Variants in IGFBP4 observed in about 807,000 individuals in gnomAD.
IGFBP4 encodes insulin like growth factor binding protein 4, also known as insulin-like growth factor-binding protein 4.
IGFBP4 carries 9 observed loss-of-function variants against 25.8 expected under a neutral mutation model. That is an observed-to-expected ratio of 0.35 (90% CI 0.21 to 0.61). IGFBP4 has a LOEUF of 0.61. IGFBP4 is among the 20% of genes least tolerant of loss of function. The pLI is 0.77. For synonymous variants in IGFBP4, 153 were observed against 153.9 expected (o/e 0.99, Z 0.05); for missense variants, 315 against 365.3 (o/e 0.86, Z 1.12).
intron 3 of IGFBP4, among the ~76,000 whole-genome samples, chr17:40,455,729 C>T (rs2035710643): frequency 6.6e-6 from 1 of 152,122 alleles, no homozygotes; most frequent in African/African-American, 2.4e-5. Flanking sequence ...GTGATCCACC[C>T]ACCTCGGCCT....
At chr17:40,446,928 C>T (rs1396344939) in intron 1 of IGFBP4, among the ~76,000 whole-genome samples, 1 of 152,190 alleles carries the variant, frequency 6.6e-6, no homozygotes, top group Non-Finnish European at 1.5e-5. Flanking sequence ...CTGCTGCAGC[C>T]CTGCAGGGTC....
intron 1 of IGFBP4, among the ~76,000 whole-genome samples, chr17:40,449,802 T>C (rs1216003923): frequency 6.6e-6 from 1 of 151,342 alleles, no homozygotes; most frequent in African/African-American, 2.4e-5. Flanking sequence ...ATGGAAAGCA[T>C]AGTTGTGGTC....
intron 1 of IGFBP4, among the ~76,000 whole-genome samples, chr17:40,449,879 G>T (rs1341302583): frequency 6.6e-6 from 1 of 152,098 alleles, no homozygotes; most frequent in African/African-American, 2.4e-5. Flanking sequence ...ACACTTCCAG[G>T]GTGGGAGCTC....
At chr17:40,454,766 C>T (rs1284384564) in intron 3 of IGFBP4, among the ~76,000 whole-genome samples, 4 of 152,366 alleles carry the variant, frequency 2.6e-5, no homozygotes, top group East Asian at 1.9e-4. Flanking sequence ...TCTGGCCCAT[C>T]AGAATGGGTG....
chr17:40,447,532 G>A (rs893626752), intron 1 of IGFBP4, among the ~76,000 whole-genome samples: 25 of 152,198 alleles, frequency 1.6e-4, no homozygotes, highest in African/African-American at 5.3e-4. Context: ...GTTATGTCAT[G>A]GGAACAAGGG....
chr17:40,448,525 C>T (rs940013023), intron 1 of IGFBP4, among the ~76,000 whole-genome samples: 1 of 152,208 alleles, frequency 6.6e-6, no homozygotes, highest in African/African-American at 2.4e-5. Flanking sequence ...TCCACTCCTG[C>T]TCAGAGGGGA....
chr17:40,444,916 C>T (rs866881017), intron 1 of IGFBP4, among the ~76,000 whole-genome samples: 3 of 84,742 alleles, frequency 3.5e-5, no homozygotes, highest in Non-Finnish European at 6.9e-5. Flanking sequence ...CACACACACA[C>T]ACACACACAC....
rs895466832 is a variant in IGFBP4, at chr17:40,444,228, A to C, written c.349+144A>C. 4.4e-5 allele frequency: 31 copies of C among 698,126 alleles called. No individual in the cohort carries two copies. In the Admixed American group the frequency reaches 8.2e-4, roughly 18 times the overall value. 43.2% of individuals were successfully genotyped at this position (698,126 alleles called of 1,614,324 possible). On this transcript the variant is annotated intron_variant, in intron 1 of 3. Transcript: ENST00000269593. The stretch of plus-strand genomic sequence containing the variant: ...AGGTACGTGGCAGGGCCCGACTGGC[A>C]TGGGACAGGCTCATCAAGGAAACTG...
Position 40,443,789 on chromosome 17 carries a change from G to C in IGFBP4, c.54G>C (p.Pro18=). ...AALLLAAGPG[P]SLGDEAIHCP... is the part of the protein sequence containing the mutation. Reference sequence around the variant, plus strand: ...TGCTGCTGGCCGCCGGGCCCGGGCCGAGCCTGGGCGACGAAGCCATCCACT... The same window carrying C: ...TGCTGCTGGCCGCCGGGCCCGGGCCCAGCCTGGGCGACGAAGCCATCCACT... The change falls in exon 1 of 4, where the codon CCG becomes CCC. Residue 18 remains proline, a synonymous_variant. Coordinates refer to ENST00000269593, the MANE Select transcript of IGFBP4 (RefSeq NM_001552.3). 6.6e-7 allele frequency: 1 copy of C among 1,520,440 alleles called. No individual in the cohort carries two copies. Among genetic ancestry groups the C allele is most frequent in the Non-Finnish European group, 8.8e-7 (1 of 1,142,178 alleles). 94.2% of individuals were successfully genotyped at this position (1,520,440 alleles called of 1,614,324 possible). A position where few individuals can be genotyped will look rare whatever the true frequency, so the allele number is the denominator to read the frequency against.
intron 1 of IGFBP4, among the ~76,000 whole-genome samples, chr17:40,451,268 A>C (rs978521431): frequency 1.3e-5 from 2 of 152,034 alleles, no homozygotes; most frequent in African/African-American, 4.8e-5. Context: ...TGTCTACTCT[A>C]TTTATTTCTT....
intron 3 of IGFBP4, among the ~76,000 whole-genome samples, chr17:40,455,367 C>G (rs1597676992): frequency 6.6e-6 from 1 of 151,992 alleles, no homozygotes; most frequent in Non-Finnish European, 1.5e-5. Context: ...GTCTCCCAGG[C>G]TGGAGTGCAG....
intron 1 of IGFBP4, among the ~76,000 whole-genome samples, chr17:40,450,141 G>A (rs2035674139): frequency 6.6e-6 from 1 of 152,130 alleles, no homozygotes; most frequent in Non-Finnish European, 1.5e-5. Flanking sequence ...CCAAGTAGGT[G>A]GGACTACACC....
At position 40,443,793 on chromosome 17, in the gene IGFBP4, C is replaced by G; in HGVS notation, c.58C>G (p.Leu20Val). Residue 20 changes from leucine to valine, a missense_variant, in exon 1 of 4, where the codon CTG becomes GTG. By Grantham distance (32) the Leu-to-Val change is conservative (BLOSUM62 1). Transcript: ENST00000269593. ...LLLAAGPGPS[L>V]GDEAIHCPPC... ...GCTGGCCGCCGGGCCCGGGCCGAGCCTGGGCGACGAAGCCATCCACTGCCC... is the reference window on the plus strand; with the variant it reads ...GCTGGCCGCCGGGCCCGGGCCGAGCGTGGGCGACGAAGCCATCCACTGCCC... 8 of 1,523,844 alleles carry G rather than the reference C, an allele frequency of 5.2e-6. No individual in the cohort carries two copies. The highest frequency in any genetic ancestry group is 1.2e-5 in the South Asian group (1 of 82,986). 94.4% of individuals were successfully genotyped at this position (1,523,844 alleles called of 1,614,324 possible). A position where few individuals can be genotyped will look rare whatever the true frequency, so the allele number is the denominator to read the frequency against.
Position 40,443,883 on chromosome 17 carries a change from G to C in IGFBP4, c.148G>C (p.Glu50Gln). 2.0e-6 allele frequency: 3 copies of C among 1,531,142 alleles called. No individual in the cohort carries two copies. The highest frequency in any genetic ancestry group is 2.6e-6 in the Non-Finnish European group (3 of 1,144,586). The allele number at this position is 1,531,142 out of a possible 1,614,324, so 94.8% of individuals were successfully genotyped here. Residue 50 changes from glutamate (E) to glutamine (Q), a missense_variant, in exon 1 of 4, where the codon GAG (glutamate) becomes CAG (glutamine). By Grantham distance (29) the Glu-to-Gln change is conservative. Coordinates refer to ENST00000269593, the MANE Select transcript of IGFBP4 (RefSeq NM_001552.3). ...CGTGGGCTGCGAGGAGCTGGTGCGA[G>C]AGCCGGGCTGCGGCTGTTGCGCCAC... ...PPVGCEELVREPGCGCCATCA... is the reference protein window; with the variant it reads ...PPVGCEELVRQPGCGCCATCA...
intron 3 of IGFBP4, among the ~76,000 whole-genome samples, chr17:40,454,665 C>A (rs1343635063): frequency 6.6e-6 from 1 of 152,170 alleles, no homozygotes; most frequent in African/African-American, 2.4e-5. Flanking sequence ...CAGCAACTTC[C>A]CTATTCCTTC....
rs773607082 is a variant in IGFBP4 at position 40,453,952 on chromosome 17, C to A, written c.532C>A (p.Leu178Met). Residue 178 changes from leucine to methionine, a missense_variant, in exon 3 of 4, where the codon CTG becomes ATG. By Grantham distance (15) the Leu-to-Met change is conservative (BLOSUM62 2). Coordinates refer to ENST00000269593, the MANE Select transcript of IGFBP4 (RefSeq NM_001552.3). This position sits in a 1 kb window ranked among gnomAD's most constrained non-coding sequence, Gnocchi z 4.0. Reference protein sequence around the residue: ...PVPQGSCQSELHRALERLAAS... With the variant: ...PVPQGSCQSEMHRALERLAAS... Reference sequence around the variant, plus strand: ...GCCCCAGGGCTCCTGCCAGAGCGAGCTGCACCGGGCGCTGGAGCGGCTGGC... The same window carrying A: ...GCCCCAGGGCTCCTGCCAGAGCGAGATGCACCGGGCGCTGGAGCGGCTGGC... 1.9e-6 allele frequency: 3 copies of A among 1,611,100 alleles called. No individual in the cohort carries two copies. The highest frequency in any genetic ancestry group is 2.5e-6 in the Non-Finnish European group (3 of 1,178,936).
chr17:40,453,194 ATGCCCCCTGCCC>A lies in IGFBP4; in HGVS notation c.507+53_507+64del. ...CATGTGCATAGACACACACACACAC[ATGCCCCCTGCCC>A]CCCACATGCACGCACCCACACACAC... On this transcript the variant is annotated intron_variant, in intron 2 of 3. Transcript: ENST00000269593. This position sits in a 1 kb window ranked among gnomAD's most constrained non-coding sequence, Gnocchi z 4.0. 5.1e-6 allele frequency: 7 copies of A among 1,378,644 alleles called. No homozygotes were observed. Among genetic ancestry groups the A allele is most frequent in the Non-Finnish European group, 5.8e-6 (6 of 1,038,146 alleles). The allele number at this position is 1,378,644 out of a possible 1,614,324, so 85.4% of individuals were successfully genotyped here.
At chr17:40,454,564 A>G (rs2035704479) in intron 3 of IGFBP4, among the ~76,000 whole-genome samples, 1 of 152,210 alleles carries the variant, frequency 6.6e-6, no homozygotes, top group Non-Finnish European at 1.5e-5. Flanking sequence ...GGGTACAGCA[A>G]GAGTGAAGGT....
chr17:40,451,747 T>G (rs955051077), intron 1 of IGFBP4, among the ~76,000 whole-genome samples: 2 of 152,210 alleles, frequency 1.3e-5, no homozygotes, highest in African/African-American at 2.4e-5. Flanking sequence ...CAGCCCTGTA[T>G]TCTGGTTTTG....
Sources: allele counts gnomAD v4.1 joint callset (sites outside exome capture counted in the v4.1 genomes callset), GRCh38; gene constraint gnomAD v4.1.1; non-coding constraint Gnocchi (gnomAD v3.1); transcripts MANE v1.5; gene names NCBI Gene and HGNC (gene_info 2026-07-23, HGNC 2026-07-21).